Variants in HECTD4 observed in about 807,000 individuals in gnomAD.
The protein encoded by HECTD4 is probable E3 ubiquitin-protein ligase HECTD4.
A neutral mutation model predicts 471.5 loss-of-function variants in HECTD4; 114 were observed. The observed-to-expected ratio is 0.24, with a 90% CI of 0.21 to 0.28. The LOEUF (loss-of-function observed/expected upper bound fraction) is 0.28. HECTD4 is among the 10% of genes least tolerant of loss of function. The pLI, the probability that HECTD4 is intolerant of heterozygous loss-of-function variation, is 1.00. For missense variants in HECTD4, 3,866 were observed against 5,651.5 expected (o/e 0.68, Z 10.13); for synonymous variants, 2,012 against 2,256.0 (o/e 0.89, Z 3.07).
rs1407501002 is a variant in HECTD4, at chr12:112,184,942, T to C, written c.10024A>G (p.Ser3342Gly). ...TCCTCGGGCTTGCTGCCTCCGATGC[T>C]GAGCACGGTGGGGTCCGAGTCCACG... is the stretch of plus-strand genomic sequence containing the variant. Reference protein sequence around the residue: ...RTVDSDPTVLSIGGSKPEDML... With the variant: ...RTVDSDPTVLGIGGSKPEDML... The change falls in exon 61 of 76, where the codon AGC (serine) becomes GGC (glycine). Residue 3342 changes from serine to glycine, a missense_variant. This residue lies in a region of HECTD4 where 57 missense variants were observed against 49.8 expected (regional missense o/e 1.14). Transcript: ENST00000682272. This position sits in a 1 kb window ranked among gnomAD's most constrained non-coding sequence, Gnocchi z 9.1. 6.2e-7 allele frequency: 1 copy of C among 1,613,848 alleles called. No individual in the cohort carries two copies. Among genetic ancestry groups the C allele is most frequent in the Non-Finnish European group, 8.5e-7 (1 of 1,179,852 alleles).
chr12:112,164,926 TTTTC>T (rs1801672711), intron 72 of HECTD4, among the ~76,000 whole-genome samples: 2 of 150,532 alleles, frequency 1.3e-5, no homozygotes, highest in Non-Finnish European at 3.0e-5. Context: ...CCAGACCGCT[TTTTC>T]TTTTTTTTTT....
intron 7 of HECTD4, among the ~76,000 whole-genome samples, chr12:112,300,170 C>T (rs1359439680): frequency 6.6e-6 from 1 of 151,844 alleles, no homozygotes; most frequent in Non-Finnish European, 1.5e-5. Flanking sequence ...CAAAAATTAG[C>T]TGGGCATGAT....
intron 7 of HECTD4, among the ~76,000 whole-genome samples, chr12:112,299,055 A>T (rs1594023477): frequency 6.6e-6 from 1 of 152,188 alleles, no homozygotes; most frequent in Non-Finnish European, 1.5e-5. Context: ...TTAGTGGCTG[A>T]GTGACACTTA....
At chr12:112,190,517 T>C (rs1470039224) in intron 60 of HECTD4, among the ~76,000 whole-genome samples, 1 of 152,188 alleles carries the variant, frequency 6.6e-6, no homozygotes, top group African/African-American at 2.4e-5. Context: ...TGTTTTAAAG[T>C]AAAGTGGATA....
chr12:112,270,154 A>G, intron 12 of HECTD4, 73 bp downstream of exon 12: 1 of 1,322,296 alleles, frequency 7.6e-7, no homozygotes, highest in Non-Finnish European at 1.1e-6. Flanking sequence ...TCTGGTAAAA[A>G]TGAACTGGCT....
chr12:112,306,296 A>T, intron 6 of HECTD4, 62 bp from the exon 7 acceptor site: 1 of 1,286,904 alleles, frequency 7.8e-7, no homozygotes, highest in Non-Finnish European at 1.0e-6. Context: ...TAATCCTATC[A>T]GCTCATCATT....
intron 62 of HECTD4, among the ~76,000 whole-genome samples, chr12:112,181,856 C>T (rs986466037): frequency 1.3e-5 from 2 of 152,190 alleles, no homozygotes; most frequent in African/African-American, 4.8e-5. Flanking sequence ...CTTTGGGAGG[C>T]CAAGGCGGGC....
Position 112,291,676 on chromosome 12 carries a change from T to C in HECTD4, c.1336-8374A>G, listed in dbSNP as rs1366106371. ...TCATGAGGTCAGGAGATTGAGACCA[T>C]CCTGGCTAACATGGTGAAACCCCGT... On this transcript the variant is annotated intron_variant, in intron 7 of 75. Transcript: ENST00000682272. 1.3e-5 allele frequency among the ~76,000 whole-genome samples: 2 copies of C among 152,172 alleles called. 1 individual carries two copies. The highest frequency in any genetic ancestry group is 1.3e-4 in the Admixed American group (2 of 15,278).
At chr12:112,271,413 T>A (rs564308125) in intron 11 of HECTD4, among the ~76,000 whole-genome samples, 2 of 152,304 alleles carry the variant, frequency 1.3e-5, no homozygotes, top group South Asian at 4.1e-4. Flanking sequence ...CTGGCAGACA[T>A]CATTTAAACA....
intron 13 of HECTD4, among the ~76,000 whole-genome samples, chr12:112,267,655 T>C (rs944604594): frequency 6.6e-6 from 1 of 152,210 alleles, no homozygotes; most frequent in Non-Finnish European, 1.5e-5. Flanking sequence ...AAAGTCAATG[T>C]AGTCAAGCCT....
In HECTD4 at chr12:112,382,398, A is replaced by G; in HGVS notation, c.-270T>C. The G allele has an allele frequency of 3.2e-6, 1 of 316,072 alleles. No individual in the cohort carries two copies. The allele number at this position is 316,072 out of a possible 1,614,324, so 19.6% of individuals were successfully genotyped here. On this transcript the variant is annotated 5_prime_UTR_variant, in exon 1 of 76. Coordinates refer to ENST00000682272, the MANE Select transcript of HECTD4 (RefSeq NM_001388303.1). ...ATCCGCCTCTGCCGCTCGGCAACCA[A>G]CTGTCAGTGAGACGCCATGTTGGGG...
At chr12:112,278,367 G>A (rs945970102) in intron 9 of HECTD4, among the ~76,000 whole-genome samples, 1 of 152,096 alleles carries the variant, frequency 6.6e-6, no homozygotes, top group African/African-American at 2.4e-5. Context: ...TAAAGCCACC[G>A]CCCCCAGCCT....
At chr12:112,332,185 A>G (rs2035856407) in intron 1 of HECTD4, among the ~76,000 whole-genome samples, 1 of 151,890 alleles carries the variant, frequency 6.6e-6, no homozygotes, top group Non-Finnish European at 1.5e-5. Flanking sequence ...GAACTTTGAT[A>G]ATATGTCACT....
intron 16 of HECTD4, 88 bp from the exon 17 acceptor site, chr12:112,264,300 A>C (rs557759785): frequency 8.1e-7 from 1 of 1,233,760 alleles, no homozygotes; most frequent in South Asian, 2.3e-5. Context: ...GATTTTGACA[A>C]AGAAAACAAA....
Position 112,356,215 on chromosome 12 carries a change from T to C in HECTD4, c.177+25737A>G, listed in dbSNP as rs148386683. Among the ~76,000 whole-genome samples, 8 of 152,302 alleles carry C rather than the reference T, an allele frequency of 5.3e-5. No homozygotes were observed. The South Asian group carries it at 6.2e-4, about 12-fold the overall frequency. On this transcript the variant is annotated intron_variant, in intron 1 of 75. Transcript: ENST00000682272. ...CAATTCGATTTGATTAAAAAATCAG[T>C]ACAGTGATACTCTAATCCAAAAAAT...
Position 112,163,556 on chromosome 12 carries a change from G to A in HECTD4, c.12883C>T (p.Leu4295Phe). 1 of 1,475,146 alleles carries A rather than the reference G, an allele frequency of 6.8e-7. No homozygotes were observed. The highest frequency in any genetic ancestry group is 1.4e-5 in the African/African-American group (1 of 70,580). The allele number at this position is 1,475,146 out of a possible 1,614,324, so 91.4% of individuals were successfully genotyped here. ...GGGATGTCTACCTTGAGGAACTCGA[G>A]GTTGATGTAGGGGAGGCCGCAGGTG... ...LRTCGLPYIN[L>F]EFLKAHTMYQ... The change falls in exon 74 of 76, where the codon CTC becomes TTC. Residue 4295 changes from leucine (L) to phenylalanine (F), a missense_variant. By Grantham distance (22) the Leu-to-Phe change is conservative. Transcript: ENST00000682272. The surrounding 1 kb of genome is among the most constrained non-coding windows in gnomAD (Gnocchi z 8.2).
At chr12:112,349,915 T>C (rs964031035) in intron 1 of HECTD4, among the ~76,000 whole-genome samples, 31 of 152,150 alleles carry the variant, frequency 2.0e-4, no homozygotes, top group African/African-American at 7.5e-4. Context: ...TAAATGTTCA[T>C]ATTTTTTGGA....
At chr12:112,297,111 CT>C (rs1203930430) in intron 7 of HECTD4, among the ~76,000 whole-genome samples, 2 of 149,758 alleles carry the variant, frequency 1.3e-5, no homozygotes, top group Non-Finnish European at 3.0e-5. Flanking sequence ...GGTGTAGGTG[CT>C]GTGGATGTAG....
chr12:112,218,436 A>G (rs776702656), intron 45 of HECTD4, among the ~76,000 whole-genome samples: 5 of 152,134 alleles, frequency 3.3e-5, no homozygotes, highest in Non-Finnish European at 7.3e-5. Context: ...GCTCCTGGCA[A>G]TCACTAATCT....
Sources: allele counts gnomAD v4.1 joint callset (sites outside exome capture counted in the v4.1 genomes callset), GRCh38; gene constraint gnomAD v4.1.1; regional missense constraint gnomAD v4.1.1; non-coding constraint Gnocchi (gnomAD v3.1); transcripts MANE v1.5; gene names NCBI Gene and HGNC (gene_info 2026-07-23, HGNC 2026-07-21).